The following CDKL3 variants were observed in gnomAD, a reference collection of about 807,000 sequenced individuals.
CDKL3 encodes the protein cyclin-dependent kinase-like 3.
CDKL3 carries 65 observed loss-of-function variants against 69.3 expected under a neutral mutation model. The observed-to-expected ratio is 0.94, with a 90% CI of 0.77 to 1.15. The LOEUF is 1.15. CDKL3 is among the 50% of genes most tolerant of loss of function. The pLI is 0.00. For missense variants in CDKL3, 652 were observed against 689.2 expected (o/e 0.95, Z 0.61); for synonymous variants, 202 against 221.6 (o/e 0.91, Z 0.79).
At chr5:134,287,598 C>A (rs895210077) in intron 8 of CDKL3, among the ~76,000 whole-genome samples, 1 of 152,222 alleles carries the variant, frequency 6.6e-6, no homozygotes, top group African/African-American at 2.4e-5. Context: ...CTGCCCCTGC[C>A]ACTGCCATTG....
downstream of CDKL3, among the ~76,000 whole-genome samples, chr5:134,296,814 C>T (rs947939414): frequency 1.3e-5 from 2 of 151,338 alleles, no homozygotes; most frequent in Admixed American, 1.3e-4. Context: ...CACACACACA[C>T]ACGCACGCAC....
Position 134,298,668 on chromosome 5 carries a change from T to A in CDKL3, c.1762A>T (p.Arg588Trp). ...HCEGKNLKRNRFFFW is the reference protein window; with the variant it reads ...HCEGKNLKRNWFFFW ...AAAAGACACTACCAGAAAAAAAACC[T>A]GTTTCTCTTCAAATTCTTCCCCTCG... The change falls in exon 13 of 13, where the codon AGG (arginine) becomes TGG (tryptophan). Residue 588 changes from arginine (R) to tryptophan (W), a missense_variant. Coordinates refer to ENST00000265334, the MANE Select transcript of CDKL3 (RefSeq NM_001113575.2). The A allele has an allele frequency of 1.9e-6, 3 of 1,612,868 alleles. No individual in the cohort carries two copies. Among genetic ancestry groups the A allele is most frequent in the Non-Finnish European group, 2.5e-6 (3 of 1,179,452 alleles).
intron 7 of CDKL3, 104 bp from the exon 8 acceptor site, chr5:134,308,831 G>A (rs2149444923): frequency 1.0e-6 from 1 of 981,040 alleles, no homozygotes; most frequent in African/African-American, 1.6e-5. Flanking sequence ...TTCAGCTACA[G>A]CATAAATAAT....
intron 6 of CDKL3, among the ~76,000 whole-genome samples, chr5:134,314,656 G>T (rs1334312918): frequency 6.6e-6 from 1 of 152,186 alleles, no homozygotes; most frequent in African/African-American, 2.4e-5. Context: ...ACAAAAACAT[G>T]AATGAATCTC....
chr5:134,336,634 T>C (rs567982810), intron 4 of CDKL3, among the ~76,000 whole-genome samples: 1 of 152,342 alleles, frequency 6.6e-6, no homozygotes, highest in South Asian at 2.1e-4. Context: ...AAATCCTATT[T>C]GCCTGGGTAT....
At chr5:134,293,035 T>TG in intron 8 of CDKL3, among the ~76,000 whole-genome samples, 1 of 128,960 alleles carries the variant, frequency 7.8e-6, no homozygotes, top group Non-Finnish European at 1.6e-5. Flanking sequence ...TTTTTTTTTT[T>TG]TTGAGACGGA....
chr5:134,332,049 G>A (rs962143731), intron 4 of CDKL3, among the ~76,000 whole-genome samples: 2 of 152,174 alleles, frequency 1.3e-5, no homozygotes, highest in Admixed American at 6.5e-5. Context: ...GATGACCAGT[G>A]ATGATAAGCA....
chr5:134,301,991 T>C, intron 12 of CDKL3: 1 of 349,460 alleles, frequency 2.9e-6, no homozygotes. Flanking sequence ...CGATATGATT[T>C]AATTCAGTGG....
chr5:134,337,675 T>C lies in CDKL3; in HGVS notation c.539+12574A>G, dbSNP rs1020686400. ...CTAGCTTTGCCAACACTGCAAGACC[T>C]TGTTTCTACATTAACATTTTAAAAT... On this transcript the variant is annotated intron_variant, in intron 4 of 12. Coordinates refer to ENST00000265334, the MANE Select transcript of CDKL3 (RefSeq NM_001113575.2). Among the ~76,000 whole-genome samples the C allele has an allele frequency of 3.9e-5, 6 of 152,186 alleles. No homozygotes were observed. In the East Asian group the frequency reaches 1.2e-3, roughly 29 times the overall value.
chr5:134,287,501 T>G (rs1450458399), intron 8 of CDKL3, among the ~76,000 whole-genome samples: 1 of 152,096 alleles, frequency 6.6e-6, no homozygotes, highest in African/African-American at 2.4e-5. Flanking sequence ...CTTCACGTGG[T>G]CAAAGGACTT....
At chr5:134,369,389 G>C (rs995640237), upstream of CDKL3, among the ~76,000 whole-genome samples, 1 of 152,196 alleles carries the variant, frequency 6.6e-6, no homozygotes, top group Non-Finnish European at 1.5e-5. Flanking sequence ...AGGACTCTGA[G>C]CACTTTTGTA....
intron 3 of CDKL3, among the ~76,000 whole-genome samples, chr5:134,355,254 A>C (rs1002572448): frequency 1.3e-5 from 2 of 151,842 alleles, no homozygotes; most frequent in African/African-American, 4.8e-5. Context: ...AAAAAAAAAA[A>C]AACAGATATA....
intron 4 of CDKL3, among the ~76,000 whole-genome samples, chr5:134,336,399 G>A (rs982049220): frequency 6.6e-6 from 1 of 152,186 alleles, no homozygotes; most frequent in Non-Finnish European, 1.5e-5. Context: ...TGGAGGAGAA[G>A]AGGCATTCTG....
chr5:134,347,605 C>T (rs1017882809), intron 4 of CDKL3, among the ~76,000 whole-genome samples: 10 of 148,566 alleles, frequency 6.7e-5, no homozygotes, highest in African/African-American at 2.5e-4. Flanking sequence ...CACGGTGGCT[C>T]ATGCCTGTAA....
chr5:134,348,699 G>A (rs1467516077), intron 4 of CDKL3, among the ~76,000 whole-genome samples: 1 of 152,132 alleles, frequency 6.6e-6, no homozygotes, highest in African/African-American at 2.4e-5. Flanking sequence ...TATCAGAAAA[G>A]GAATTTAAGC....
At chr5:134,304,903 G>A (rs1465838882) in intron 10 of CDKL3, among the ~76,000 whole-genome samples, 1 of 150,624 alleles carries the variant, frequency 6.6e-6, no homozygotes, top group Admixed American at 6.7e-5. Flanking sequence ...AACCCCCTGG[G>A]CTCAAGTGAT....
chr5:134,323,478 T>C (rs908234349), intron 4 of CDKL3, among the ~76,000 whole-genome samples: 5 of 152,146 alleles, frequency 3.3e-5, no homozygotes, highest in African/African-American at 1.2e-4. Flanking sequence ...AGATGTTTTA[T>C]ACAACAAGCA....
chr5:134,358,530 CT>C (rs57776279), intron 3 of CDKL3, among the ~76,000 whole-genome samples: 32 of 151,724 alleles, frequency 2.1e-4, no homozygotes, highest in African/African-American at 6.5e-4. Context: ...TTTTCTTTTC[CT>C]TTTTTTTCTT....
chr5:134,328,571 G>A (rs748173696), intron 4 of CDKL3, among the ~76,000 whole-genome samples: 10 of 151,966 alleles, frequency 6.6e-5, no homozygotes, highest in Non-Finnish European at 1.5e-4. Flanking sequence ...TGTATACTAG[G>A]AATATAAAAA....
Sources: gnomAD v4.1 joint callset for allele counts (sites outside exome capture counted in the v4.1 genomes callset) on GRCh38, gnomAD v4.1.1 for gene constraint, MANE v1.5 for transcripts, NCBI Gene and HGNC (gene_info 2026-07-23, HGNC 2026-07-21) for gene names.